SRBD1: variants seen among roughly 807,000 people sequenced by gnomAD.
The protein encoded by SRBD1 is S1 RNA-binding domain-containing protein 1.
SRBD1 carries 88 observed loss-of-function variants against 115.3 expected under a neutral mutation model. The observed-to-expected ratio is 0.76, with a 90% CI of 0.64 to 0.91. The LOEUF is 0.91. Among genes scored for constraint, SRBD1 ranks in the 40% least tolerant of loss-of-function variants. The probability of loss-of-function intolerance (pLI) is 0.00; values close to 1 mark genes in which losing one functional copy is unlikely to be tolerated. For synonymous variants in SRBD1, 509 were observed against 407.7 expected (o/e 1.25, Z -2.99); for missense variants, 1,385 against 1,177.4 (o/e 1.18, Z -2.58).
intron 14 of SRBD1, among the ~76,000 whole-genome samples, chr2:45,497,574 T>C (rs890171896): frequency 2.0e-5 from 3 of 152,204 alleles, no homozygotes; most frequent in Non-Finnish European, 2.9e-5. Context: ...TCTAAGAAGT[T>C]CTCTGGTGAA....
At chr2:45,596,761 T>G (rs1338312191) in intron 4 of SRBD1, among the ~76,000 whole-genome samples, 2 of 152,196 alleles carry the variant, frequency 1.3e-5, no homozygotes, top group African/African-American at 4.8e-5. Context: ...TAAAGATCTG[T>G]AAACCAACAC....
chr2:45,564,888 G>C (rs916539253), intron 9 of SRBD1, among the ~76,000 whole-genome samples: 1 of 152,002 alleles, frequency 6.6e-6, no homozygotes, highest in East Asian at 1.9e-4. Flanking sequence ...ACATAGATTT[G>C]GGTATATGCA....
At position 45,563,765 on chromosome 2, in the gene SRBD1, C is replaced by T. The variant is rs56044765; in HGVS notation, c.1306-1009G>A. Among the ~76,000 whole-genome samples, 1,073 of 152,066 alleles carry T rather than the reference C, an allele frequency of 7.1e-3. 10 individuals carry two copies. The highest frequency in any genetic ancestry group is 0.024 in the African/African-American group (1,006 of 41,516). ...AACAAACCAAAAAGAAACAGAAAAT[C>T]TGAACACACCTATAAAAAGTATGGA... On this transcript the variant is annotated intron_variant, in intron 9 of 20. Coordinates refer to ENST00000263736, the MANE Select transcript of SRBD1 (RefSeq NM_018079.5).
At position 45,389,564 on chromosome 2, in the gene SRBD1, A is replaced by G; in HGVS notation, c.2734T>C (p.Cys912Arg). The G allele has an allele frequency of 6.2e-7, 1 of 1,613,876 alleles. No homozygotes were observed. Among genetic ancestry groups the G allele is most frequent in the South Asian group, 1.1e-5 (1 of 91,042 alleles). ...GTCCCAATCTGCAGATCTTCCAGGC[A>G]TACTATGCTTCTCTTGAAATCAGGT... is the stretch of plus-strand genomic sequence containing the variant. ...DKPDFKRSIV[C>R]LEDLQIGTVL... The change falls in exon 21 of 21, where the codon TGC (cysteine) becomes CGC (arginine). Residue 912 changes from cysteine (C) to arginine (R), a missense_variant. Transcript: ENST00000263736.
At chr2:45,508,018 C>T (rs1458486369) in intron 14 of SRBD1, among the ~76,000 whole-genome samples, 1 of 152,154 alleles carries the variant, frequency 6.6e-6, no homozygotes, top group Admixed American at 6.5e-5. Context: ...TTCTTACTGT[C>T]CCCTGACACA....
intron 12 of SRBD1, 61 bp from the exon 13 acceptor site, chr2:45,547,673 G>C: frequency 1.4e-6 from 2 of 1,409,112 alleles, no homozygotes; most frequent in Non-Finnish European, 2.0e-6. Context: ...ACACATGAAT[G>C]ATTTTGTTAA....
Position 45,388,694 on chromosome 2 carries a change from CATTT to C in SRBD1, c.*612_*615del, listed in dbSNP as rs1409832610. The C allele has an allele frequency of 2.0e-5, 3 of 152,348 alleles. No individual in the cohort carries two copies. Among genetic ancestry groups the C allele is most frequent in the South Asian group, 4.1e-4 (2 of 4,820 alleles). The allele number at this position is 152,348 out of a possible 1,614,324, so 9.4% of individuals were successfully genotyped here. On this transcript the variant is annotated 3_prime_UTR_variant, in exon 21 of 21. Transcript: ENST00000263736. ...CAAAAAACAAGTCACTAGCCACAAACATTTATTGTTGGGGTCAATACGTATATCC... is the reference window on the plus strand; with the variant it reads ...CAAAAAACAAGTCACTAGCCACAAACATTGTTGGGGTCAATACGTATATCC...
At chr2:45,424,307 C>T (rs1025681778) in intron 16 of SRBD1, among the ~76,000 whole-genome samples, 1 of 152,112 alleles carries the variant, frequency 6.6e-6, no homozygotes, top group Non-Finnish European at 1.5e-5. Context: ...TCCCCTCCTA[C>T]TAAGTACAGA....
chr2:45,520,885 C>G (rs1265442623), intron 14 of SRBD1, among the ~76,000 whole-genome samples: 2 of 152,194 alleles, frequency 1.3e-5, no homozygotes, highest in Non-Finnish European at 2.9e-5. Flanking sequence ...CATGTGTAAC[C>G]CAATTCTTCC....
At position 45,429,125 on chromosome 2, in the gene SRBD1, T is replaced by C. The variant is rs185172190; in HGVS notation, c.2050-9231A>G. On this transcript the variant is annotated intron_variant, in intron 16 of 20. Coordinates refer to ENST00000263736, the MANE Select transcript of SRBD1 (RefSeq NM_018079.5). The stretch of plus-strand genomic sequence containing the variant: ...AAAGTCGAATCCCTGAATAGACCAA[T>C]AACAAGTTCTGAAATTGAGCTAGTA... Among the ~76,000 whole-genome samples, 464 of 152,246 alleles carry C rather than the reference T, an allele frequency of 3.0e-3. 5 individuals are homozygous for C. The highest frequency in any genetic ancestry group is 0.01 in the African/African-American group (431 of 41,532).
chr2:45,413,304 C>T lies in SRBD1; in HGVS notation c.2334-11G>A, dbSNP rs1268741744. On this transcript the variant is annotated splice_polypyrimidine_tract_variant and intron_variant, in intron 18 of 20. Transcript: ENST00000263736. Reference sequence around the variant, plus strand: ...GTTTCAGTTTGCTGACTATATAAAACCAGAAAAAACCACATTTATGAAAAG... The same window carrying T: ...GTTTCAGTTTGCTGACTATATAAAATCAGAAAAAACCACATTTATGAAAAG... 6.3e-7 allele frequency: 1 copy of T among 1,598,170 alleles called. No individual in the cohort carries two copies. The highest frequency in any genetic ancestry group is 2.2e-5 in the East Asian group (1 of 44,712).
intron 6 of SRBD1, among the ~76,000 whole-genome samples, chr2:45,581,183 T>C (rs899885881): frequency 1.1e-4 from 16 of 152,158 alleles, no homozygotes; most frequent in African/African-American, 3.9e-4. Flanking sequence ...TAAAACTCTC[T>C]TCCCTGCTGT....
At chr2:45,490,553 G>C (rs969136220) in intron 14 of SRBD1, among the ~76,000 whole-genome samples, 1 of 152,080 alleles carries the variant, frequency 6.6e-6, no homozygotes, top group Non-Finnish European at 1.5e-5. Context: ...TAAGAGAAAA[G>C]AATATTTTTG....
In SRBD1 at chr2:45,419,771, C is replaced by T. The variant is rs185738331; in HGVS notation, c.2156+17G>A. Reference sequence around the variant, plus strand: ...AAACTCAAGATTCTGTGATCTTCAGCCACATATTTGTCTCACCTTAACAAA... The same window carrying T: ...AAACTCAAGATTCTGTGATCTTCAGTCACATATTTGTCTCACCTTAACAAA... On this transcript the variant is annotated intron_variant, in intron 17 of 20. Transcript: ENST00000263736. The T allele has an allele frequency of 5.0e-6, 8 of 1,608,408 alleles. No individual in the cohort carries two copies. Among genetic ancestry groups the T allele is most frequent in the Non-Finnish European group, 6.0e-6 (7 of 1,175,286 alleles).
At position 45,579,946 on chromosome 2, in the gene SRBD1, C is replaced by G; in HGVS notation, c.1001G>C (p.Gly334Ala). 1 of 1,609,506 alleles carries G rather than the reference C, an allele frequency of 6.2e-7. No individual in the cohort carries two copies. The highest frequency in any genetic ancestry group is 8.5e-7 in the Non-Finnish European group (1 of 1,177,640). ...AQRARQLGLE[G>A]AARALLEKPG... ...TTTCTCAAGCAGTGCCCTGGCTGCT[C>G]CTTCTAAGCCCAACTGTCTTGCTCT... is the stretch of plus-strand genomic sequence containing the variant. The change falls in exon 7 of 21, where the codon GGA (glycine) becomes GCA (alanine). Residue 334 changes from glycine to alanine, a missense_variant. By Grantham distance (60) the Gly-to-Ala change is moderately conservative. Coordinates refer to ENST00000263736, the MANE Select transcript of SRBD1 (RefSeq NM_018079.5).
intron 14 of SRBD1, among the ~76,000 whole-genome samples, chr2:45,502,815 A>G (rs1267842120): frequency 6.6e-6 from 1 of 151,712 alleles, no homozygotes; most frequent in East Asian, 1.9e-4. Context: ...GTACCCTAGA[A>G]CTTAAAGTAT....
At chr2:45,459,371 C>T (rs372432986) in intron 16 of SRBD1, among the ~76,000 whole-genome samples, 24 of 152,126 alleles carry the variant, frequency 1.6e-4, no homozygotes, top group African/African-American at 4.1e-4. Flanking sequence ...ACCACAGCAA[C>T]GCTGCCACTC....
chr2:45,555,366 G>C (rs745685671), intron 10 of SRBD1, among the ~76,000 whole-genome samples: 1 of 151,828 alleles, frequency 6.6e-6, no homozygotes. Context: ...CTAAGCAACA[G>C]AGACCCTTTC....
At chr2:45,548,035 G>A (rs1259809071) in intron 12 of SRBD1, among the ~76,000 whole-genome samples, 2 of 151,124 alleles carry the variant, frequency 1.3e-5, no homozygotes, top group East Asian at 1.9e-4. Flanking sequence ...TTTCTATATT[G>A]CATTATAAAG....
Sources: allele counts gnomAD v4.1 joint callset (sites outside exome capture counted in the v4.1 genomes callset), GRCh38; gene constraint gnomAD v4.1.1; transcripts MANE v1.5; gene names NCBI Gene and HGNC (gene_info 2026-07-23, HGNC 2026-07-21).